The following ARHGAP15 variants were observed in gnomAD, a reference collection of about 807,000 sequenced individuals.
ARHGAP15 encodes the protein Rho GTPase activating protein 15.
A neutral mutation model predicts 63.7 loss-of-function variants in ARHGAP15; 51 were observed. The ratio of observed to expected loss-of-function variants is 0.80; its 90% confidence interval spans 0.64 to 1.01. The LOEUF is 1.01. Among genes scored for constraint, ARHGAP15 ranks in the 50% least tolerant of loss-of-function variants. The probability of loss-of-function intolerance (pLI) is 0.00; values close to 1 mark genes in which losing one functional copy is unlikely to be tolerated. For missense variants in ARHGAP15, 560 were observed against 564.6 expected, an observed-to-expected ratio of 0.99 and a Z score of 0.08; for synonymous variants, 191 against 193.8, an observed-to-expected ratio of 0.99 and a Z score of 0.12.
At chr2:143,641,881 A>G (rs1389198478) in intron 12 of ARHGAP15, among the ~76,000 whole-genome samples, 2 of 152,240 alleles carry the variant, frequency 1.3e-5, no homozygotes, top group Middle Eastern at 3.4e-3. Context: ...ATTTTCAGAG[A>G]TATGCACCAG....
At chr2:143,530,606 T>G (rs1694483440) in intron 10 of ARHGAP15, among the ~76,000 whole-genome samples, 1 of 95,832 alleles carries the variant, frequency 1.0e-5, no homozygotes, top group Admixed American at 1.0e-4. Flanking sequence ...TTGTGTATAA[T>G]TTTTCCCATT....
intron 6 of ARHGAP15, among the ~76,000 whole-genome samples, chr2:143,427,169 T>C (rs1689170540): frequency 6.6e-6 from 1 of 152,164 alleles, no homozygotes; most frequent in Admixed American, 6.5e-5. Flanking sequence ...CATGGCCAAA[T>C]ATGTTACAAT....
At chr2:143,731,428 C>G (rs1392424666) in intron 13 of ARHGAP15, among the ~76,000 whole-genome samples, 1 of 152,132 alleles carries the variant, frequency 6.6e-6, no homozygotes, top group Non-Finnish European at 1.5e-5. Context: ...CTTTTCTTTT[C>G]CACCAAATGA....
chr2:143,195,459 A>C (rs1347751483), intron 2 of ARHGAP15, among the ~76,000 whole-genome samples: 1 of 152,192 alleles, frequency 6.6e-6, no homozygotes, highest in East Asian at 1.9e-4. Context: ...ACATGTGTCC[A>C]CAAATAGTTA....
At chr2:143,590,686 T>C (rs1697286325) in intron 11 of ARHGAP15, among the ~76,000 whole-genome samples, 2 of 152,200 alleles carry the variant, frequency 1.3e-5, no homozygotes, top group African/African-American at 4.8e-5. Context: ...TGTTTTATTA[T>C]CTTTATTTTT....
chr2:143,405,347 G>GT (rs1421193785), intron 6 of ARHGAP15, among the ~76,000 whole-genome samples: 1 of 150,370 alleles, frequency 6.7e-6, no homozygotes, highest in South Asian at 2.1e-4. Flanking sequence ...ATCATTTTGT[G>GT]TTTTTTATTT....
rs541556561 is a variant in ARHGAP15 at position 143,276,457 on chromosome 2, A to G, written c.474+25857A>G. Among the ~76,000 whole-genome samples the G allele has an allele frequency of 1.8e-4, 27 of 152,328 alleles. 1 individual carries two copies. The highest frequency in any genetic ancestry group is 6.0e-4 in the African/African-American group (25 of 41,576). ...GTTGCCTGTAGTGCCTGCATTGCTA[A>G]TGTTTATTTAATATTACTTCTGGAT... On this transcript the variant is annotated intron_variant, in intron 6 of 13. Transcript: ENST00000295095.
At chr2:143,545,292 T>C (rs1001275568) in intron 10 of ARHGAP15, among the ~76,000 whole-genome samples, 1 of 152,090 alleles carries the variant, frequency 6.6e-6, no homozygotes, top group Non-Finnish European at 1.5e-5. Flanking sequence ...TCCCCAAAGA[T>C]CAAAAGTTAT....
intron 6 of ARHGAP15, among the ~76,000 whole-genome samples, chr2:143,408,320 T>G (rs1265051981): frequency 6.6e-6 from 1 of 150,720 alleles, no homozygotes; most frequent in Non-Finnish European, 1.5e-5. Context: ...TATAAAATTT[T>G]TATATAATTT....
chr2:143,492,120 G>A (rs1315111363), intron 9 of ARHGAP15, among the ~76,000 whole-genome samples: 3 of 152,118 alleles, frequency 2.0e-5, no homozygotes, highest in African/African-American at 4.8e-5. Context: ...GAGCTAAGGC[G>A]ATCTGCCCGC....
chr2:143,155,195 T>C (rs1047533844), intron 1 of ARHGAP15, among the ~76,000 whole-genome samples: 6 of 151,930 alleles, frequency 3.9e-5, no homozygotes, highest in African/African-American at 1.4e-4. Context: ...CTGTATCTCA[T>C]TACTGTTAGG....
intron 6 of ARHGAP15, among the ~76,000 whole-genome samples, chr2:143,257,334 G>C (rs1231644577): frequency 1.3e-5 from 2 of 152,054 alleles, no homozygotes; most frequent in African/African-American, 2.4e-5. Flanking sequence ...TTAGTGAAGG[G>C]AACCAAAATT....
chr2:143,166,562 C>G (rs112212628), intron 2 of ARHGAP15, among the ~76,000 whole-genome samples: 7 of 152,162 alleles, frequency 4.6e-5, no homozygotes, highest in African/African-American at 1.4e-4. Context: ...CTGCTGTTAG[C>G]TACCTAGACA....
intron 10 of ARHGAP15, among the ~76,000 whole-genome samples, chr2:143,554,152 A>C (rs1026996302): frequency 6.6e-6 from 1 of 152,202 alleles, no homozygotes; most frequent in Non-Finnish European, 1.5e-5. Flanking sequence ...TTGATTTTTT[A>C]AAAAATTAGA....
At chr2:143,259,113 G>C (rs190947760) in intron 6 of ARHGAP15, among the ~76,000 whole-genome samples, 2 of 151,806 alleles carry the variant, frequency 1.3e-5, no homozygotes, top group African/African-American at 4.8e-5. Flanking sequence ...TCTGATATTT[G>C]AGATCTGCGA....
intron 6 of ARHGAP15, among the ~76,000 whole-genome samples, chr2:143,333,446 A>G (rs1382672963): frequency 2.0e-5 from 3 of 152,214 alleles, no homozygotes; most frequent in African/African-American, 7.2e-5. Context: ...TAAGGTTACC[A>G]CAATTCCAAA....
intron 6 of ARHGAP15, among the ~76,000 whole-genome samples, chr2:143,325,142 ATTCAT>A (rs1483986257): frequency 6.6e-6 from 1 of 152,144 alleles, no homozygotes; most frequent in Non-Finnish European, 1.5e-5. Context: ...AACTCTGAAA[ATTCAT>A]TTCATATGTA....
Position 143,709,467 on chromosome 2 carries a change from A to T in ARHGAP15, c.1244+5943A>T, listed in dbSNP as rs559891522. On this transcript the variant is annotated intron_variant, in intron 13 of 13. Coordinates refer to ENST00000295095, the MANE Select transcript of ARHGAP15 (RefSeq NM_018460.4). ...TATTGTAGGAGACTTGCACTTTGTA[A>T]AATAGGTTGAAAGTTAAAATCTTCC... 2.6e-5 allele frequency among the ~76,000 whole-genome samples: 4 copies of T among 152,306 alleles called. No individual in the cohort carries two copies. The South Asian group carries it at 8.3e-4, about 32-fold the overall frequency.
intron 10 of ARHGAP15, among the ~76,000 whole-genome samples, chr2:143,550,230 A>G (rs2105071438): frequency 6.6e-6 from 1 of 152,318 alleles, no homozygotes; most frequent in South Asian, 2.1e-4. Context: ...CAGGGATGCT[A>G]GAAGATAATG....
Sources: allele counts gnomAD v4.1 joint callset (sites outside exome capture counted in the v4.1 genomes callset), GRCh38; gene constraint gnomAD v4.1.1; transcripts MANE v1.5; gene names NCBI Gene and HGNC (gene_info 2026-07-23, HGNC 2026-07-21).